LIPG: variants seen among roughly 807,000 people sequenced by gnomAD.
The protein encoded by LIPG is lipase G, endothelial type, also known as endothelial lipase.
LIPG carries 34 observed loss-of-function variants against 51.8 expected under a neutral mutation model. The observed-to-expected ratio is 0.66, with a 90% CI of 0.50 to 0.87. The LOEUF is 0.87. Ranked by LOEUF, LIPG falls within the 40% of genes least tolerant of loss-of-function variation. The pLI is 0.00. For synonymous variants in LIPG, 246 were observed against 246.1 expected (o/e 1.00, Z 0.00); for missense variants, 580 against 652.7 (o/e 0.89, Z 1.21).
At chr18:49,583,314 C>T (rs1193515903) in intron 7 of LIPG, among the ~76,000 whole-genome samples, 2 of 151,984 alleles carry the variant, frequency 1.3e-5, no homozygotes, top group African/African-American at 4.8e-5. Context: ...GAGGGGGTGC[C>T]CAGGAATCGT....
rs994895577 is a variant in LIPG, at chr18:49,591,536, T to C, written c.*1014T>C. ...TTAGAGAGATAGAAGTTATGACATA[T>C]GTAATACACATCTGTGTACACAGAA... On this transcript the variant is annotated 3_prime_UTR_variant, in exon 10 of 10. Coordinates refer to ENST00000261292, the MANE Select transcript of LIPG (RefSeq NM_006033.4). 1 of 152,144 alleles carries C rather than the reference T, an allele frequency of 6.6e-6. No individual in the cohort carries two copies. Among genetic ancestry groups the C allele is most frequent in the Non-Finnish European group, 1.5e-5 (1 of 68,036 alleles). The allele number at this position is 152,144 out of a possible 1,614,324, so 9.4% of individuals were successfully genotyped here.
intron 3 of LIPG, among the ~76,000 whole-genome samples, chr18:49,568,577 C>T (rs1227169712): frequency 2.0e-5 from 3 of 151,772 alleles, no homozygotes; most frequent in African/African-American, 4.8e-5. Flanking sequence ...GATGGGGTTT[C>T]ACCATGTTGG....
At chr18:49,590,283 T>C in intron 9 of LIPG, 1 of 657,666 alleles carries the variant, frequency 1.5e-6, no homozygotes, top group South Asian at 1.7e-5. Flanking sequence ...TGCTGCAGTG[T>C]GGTGTTTCTC....
At chr18:49,578,970 C>T (rs1460064658) in intron 5 of LIPG, among the ~76,000 whole-genome samples, 4 of 128,666 alleles carry the variant, frequency 3.1e-5, no homozygotes, top group Non-Finnish European at 6.5e-5. Context: ...CAGTACAGTC[C>T]AGCTTCGGCT....
intron 1 of LIPG, among the ~76,000 whole-genome samples, chr18:49,563,254 C>T (rs2084570303): frequency 6.6e-6 from 1 of 152,174 alleles, no homozygotes; most frequent in Non-Finnish European, 1.5e-5. Flanking sequence ...GGGAGGGTTA[C>T]TGTGAATGAA....
Position 49,591,983 on chromosome 18 carries a change from T to C in LIPG, c.*1461T>C, listed in dbSNP as rs1214936174. On this transcript the variant is annotated 3_prime_UTR_variant, in exon 10 of 10. Coordinates refer to ENST00000261292, the MANE Select transcript of LIPG (RefSeq NM_006033.4). ...AGACGTGAGACAAACAAGGACTTTT[T>C]TTTTTATATAGAGCCATCCATAAAA... 1 of 152,180 alleles carries C rather than the reference T, an allele frequency of 6.6e-6. No homozygotes were observed. Among genetic ancestry groups the C allele is most frequent in the Non-Finnish European group, 1.5e-5 (1 of 68,042 alleles). 9.4% of individuals were successfully genotyped at this position (152,180 alleles called of 1,614,324 possible). A position where few individuals can be genotyped will look rare whatever the true frequency, so the allele number is the denominator to read the frequency against.
intron 8 of LIPG, among the ~76,000 whole-genome samples, chr18:49,585,046 T>C (rs977474827): frequency 3.3e-5 from 5 of 152,238 alleles, no homozygotes; most frequent in Non-Finnish European, 4.4e-5. Context: ...CCTTCCATCA[T>C]GTTTTTATAC....
intron 2 of LIPG, 100 bp from the exon 3 acceptor site, chr18:49,567,342 A>C (rs2084615748): frequency 7.6e-7 from 1 of 1,315,684 alleles, no homozygotes; most frequent in African/African-American, 1.5e-5. Flanking sequence ...GAGTCAAAAA[A>C]AAAAAATTAA....
Position 49,567,535 on chromosome 18 carries a change from C to G in LIPG, c.373C>G (p.Pro125Ala). Residue 125 changes from proline (P) to alanine (A), a missense_variant, in exon 3 of 10, where the codon CCC (proline) becomes GCC (alanine). Physicochemically the swap from Pro to Ala is conservative, Grantham distance 27. Transcript: ENST00000261292. ...CAATGTAGTTGTGGTTGACTGGCTC[C>G]CCCTGGCCCACCAGCTTTACACGGA... ...DANVVVVDWL[P>A]LAHQLYTDAV... 1.2e-6 allele frequency: 2 copies of G among 1,614,136 alleles called. No homozygotes were observed. The highest frequency in any genetic ancestry group is 1.7e-6 in the Non-Finnish European group (2 of 1,180,022).
intron 7 of LIPG, among the ~76,000 whole-genome samples, chr18:49,583,169 C>T (rs770952698): frequency 1.3e-5 from 2 of 152,202 alleles, no homozygotes. Flanking sequence ...ATTTTCAGAG[C>T]ATCATTAACT....
upstream of LIPG, chr18:49,561,817 G>GGAGCTGCT (rs2084552353): frequency 1.6e-6 from 2 of 1,255,502 alleles, no homozygotes; most frequent in African/African-American, 1.5e-5. Flanking sequence ...GGAGAAAGCT[G>GGAGCTGCT]GAGCTGCTGG....
rs766649771 is a variant in LIPG, at chr18:49,581,398, A to G, written c.794-17A>G. Reference sequence around the variant, plus strand: ...GAAGGGCTCATCCTGCATGCTTTTTATCTCTCCCACCCCCAGCAATCACAG... The same window carrying G: ...GAAGGGCTCATCCTGCATGCTTTTTGTCTCTCCCACCCCCAGCAATCACAG... On this transcript the variant is annotated splice_polypyrimidine_tract_variant and intron_variant, in intron 5 of 9. Coordinates refer to ENST00000261292, the MANE Select transcript of LIPG (RefSeq NM_006033.4). 6.2e-7 allele frequency: 1 copy of G among 1,614,062 alleles called. No homozygotes were observed. The highest frequency in any genetic ancestry group is 2.2e-5 in the East Asian group (1 of 44,900).
chr18:49,588,318 T>C (rs1480553317), intron 9 of LIPG, among the ~76,000 whole-genome samples: 1 of 150,094 alleles, frequency 6.7e-6, no homozygotes, highest in East Asian at 2.0e-4. Flanking sequence ...AGTCTCACTC[T>C]ATCGCTCAGG....
chr18:49,574,781 G>A (rs776228101), intron 4 of LIPG, among the ~76,000 whole-genome samples: 6 of 152,174 alleles, frequency 3.9e-5, no homozygotes, highest in Non-Finnish European at 5.9e-5. Context: ...GAGGCCTGAT[G>A]TATGGATTCT....
rs1327822795 is a variant in LIPG, at chr18:49,590,669, A to G, written c.*147A>G. On this transcript the variant is annotated 3_prime_UTR_variant, in exon 10 of 10. Coordinates refer to ENST00000261292, the MANE Select transcript of LIPG (RefSeq NM_006033.4). Reference sequence around the variant, plus strand: ...CACTGGGAACAACTGGTCTCCTGTGATGGCTGGGACTCCTCGCGGGAGGGG... The same window carrying G: ...CACTGGGAACAACTGGTCTCCTGTGGTGGCTGGGACTCCTCGCGGGAGGGG... 1 of 842,548 alleles carries G rather than the reference A, an allele frequency of 1.2e-6. No individual in the cohort carries two copies. Among genetic ancestry groups the G allele is most frequent in the Non-Finnish European group, 2.0e-6 (1 of 509,630 alleles). 52.2% of individuals were successfully genotyped at this position (842,548 alleles called of 1,614,324 possible). A position where few individuals can be genotyped will look rare whatever the true frequency, so the allele number is the denominator to read the frequency against.
chr18:49,563,843 C>A (rs547457325), intron 1 of LIPG, among the ~76,000 whole-genome samples: 1 of 152,120 alleles, frequency 6.6e-6, no homozygotes, highest in Non-Finnish European at 1.5e-5. Flanking sequence ...AGGTCAGACT[C>A]TAAGAGGAAG....
At position 49,580,746 on chromosome 18, in the gene LIPG, T is replaced by C. The variant is rs1600561704; in HGVS notation, c.794-669T>C. On this transcript the variant is annotated intron_variant, in intron 5 of 9. Coordinates refer to ENST00000261292, the MANE Select transcript of LIPG (RefSeq NM_006033.4). The stretch of plus-strand genomic sequence containing the variant: ...TTAGGATCTGATCCATTTGCAGCAT[T>C]CTGTGGCTGTATAGCCCTATTAGGA... Among the ~76,000 whole-genome samples, 3 of 152,330 alleles carry C rather than the reference T, an allele frequency of 2.0e-5. No homozygotes were observed. The South Asian group carries it at 6.2e-4, about 32-fold the overall frequency.
Position 49,593,386 on chromosome 18 carries a change from T to C in LIPG, c.*2864T>C, listed in dbSNP as rs2084963310. 6.6e-6 allele frequency: 1 copy of C among 152,242 alleles called. No individual in the cohort carries two copies. The highest frequency in any genetic ancestry group is 2.1e-4 in the South Asian group (1 of 4,838). The allele number at this position is 152,242 out of a possible 1,614,324, so 9.4% of individuals were successfully genotyped here. A position where few individuals can be genotyped will look rare whatever the true frequency, so the allele number is the denominator to read the frequency against. On this transcript the variant is annotated 3_prime_UTR_variant, in exon 10 of 10. Coordinates refer to ENST00000261292, the MANE Select transcript of LIPG (RefSeq NM_006033.4). ...AAAGAACCAGAACAAGAACATCATTTCACTGAAGACGAGAAGAAAAATTAT... is the reference window on the plus strand; with the variant it reads ...AAAGAACCAGAACAAGAACATCATTCCACTGAAGACGAGAAGAAAAATTAT...
intron 8 of LIPG, among the ~76,000 whole-genome samples, chr18:49,584,881 T>A (rs1023084991): frequency 2.0e-5 from 3 of 152,228 alleles, no homozygotes; most frequent in African/African-American, 7.2e-5. Context: ...GACTCACAAA[T>A]GTAAATAGTT....
Sources: gnomAD v4.1 joint callset for allele counts (sites outside exome capture counted in the v4.1 genomes callset) on GRCh38, gnomAD v4.1.1 for gene constraint, MANE v1.5 for transcripts, NCBI Gene and HGNC (gene_info 2026-07-23, HGNC 2026-07-21) for gene names.